HS6ST3: variants seen among roughly 807,000 people sequenced by gnomAD.
HS6ST3 encodes the protein heparan-sulfate 6-O-sulfotransferase 3.
Under a neutral mutation model 36.7 loss-of-function variants are expected in HS6ST3, and 12 were observed. The observed-to-expected ratio is 0.33, with a 90% CI of 0.21 to 0.53. The LOEUF (loss-of-function observed/expected upper bound fraction) is 0.53, where lower values mean the gene tolerates loss of function less well. Ranked by LOEUF, HS6ST3 falls within the 20% of genes least tolerant of loss-of-function variation. HS6ST3 has a pLI of 0.95. For missense variants in HS6ST3, 584 were observed against 640.9 expected (o/e 0.91, Z 0.96); for synonymous variants, 240 against 257.5 (o/e 0.93, Z 0.65).
intron 1 of HS6ST3, among the ~76,000 whole-genome samples, chr13:96,192,942 G>T (rs1453781929): frequency 1.3e-5 from 2 of 152,136 alleles, no homozygotes; most frequent in Non-Finnish European, 2.9e-5. Context: ...TCTCTGAGAA[G>T]TATTATTGCA....
chr13:96,436,988 T>C (rs1331182561), intron 1 of HS6ST3, among the ~76,000 whole-genome samples: 2 of 152,186 alleles, frequency 1.3e-5, no homozygotes, highest in African/African-American at 2.4e-5. Flanking sequence ...TATTGTTCTT[T>C]TAACCCTTCT....
intron 1 of HS6ST3, among the ~76,000 whole-genome samples, chr13:96,436,870 C>G (rs1171088190): frequency 6.6e-6 from 1 of 152,076 alleles, no homozygotes; most frequent in Non-Finnish European, 1.5e-5. Context: ...GCAGCCCTAG[C>G]AAACTAATAT....
intron 1 of HS6ST3, among the ~76,000 whole-genome samples, chr13:96,337,868 A>T (rs1820723544): frequency 6.6e-6 from 1 of 151,696 alleles, no homozygotes; most frequent in African/African-American, 2.4e-5. Context: ...TTTTTAACCC[A>T]GTTTCTAGAA....
intron 1 of HS6ST3, among the ~76,000 whole-genome samples, chr13:96,184,742 C>T (rs911007315): frequency 2.0e-5 from 3 of 152,104 alleles, no homozygotes; most frequent in African/African-American, 7.2e-5. Flanking sequence ...TCCCTGCCCC[C>T]ACCCCAGCCT....
intron 1 of HS6ST3, among the ~76,000 whole-genome samples, chr13:96,279,525 C>T (rs183635848): frequency 2.6e-5 from 4 of 152,182 alleles, no homozygotes; most frequent in African/African-American, 4.8e-5. Flanking sequence ...AATCTTGTCT[C>T]GAGAGGCTAG....
chr13:96,111,103 A>G (rs1307896548), intron 1 of HS6ST3, among the ~76,000 whole-genome samples: 1 of 152,226 alleles, frequency 6.6e-6, no homozygotes, highest in Non-Finnish European at 1.5e-5. Context: ...TTAAAATTCT[A>G]GTTGACTGTG....
intron 1 of HS6ST3, among the ~76,000 whole-genome samples, chr13:96,177,661 G>C (rs898153873): frequency 1.3e-5 from 2 of 151,924 alleles, no homozygotes; most frequent in African/African-American, 4.8e-5. Context: ...AGGAGGGAGA[G>C]GATCGGAGAA....
chr13:96,609,575 C>T lies in HS6ST3; in HGVS notation c.708-222915C>T, dbSNP rs546077579. Among the ~76,000 whole-genome samples, 20 of 152,202 alleles carry T rather than the reference C, an allele frequency of 1.3e-4. 1 individual carries two copies. Among genetic ancestry groups the T allele is most frequent in the South Asian group, 1.0e-3 (5 of 4,828 alleles). ...ATGTGTCTGATATATATCTTATTGA[C>T]GAGGTCTCTGTCAGTCAAGGCAGTG... On this transcript the variant is annotated intron_variant, in intron 1 of 1. Transcript: ENST00000376705.
chr13:96,317,031 A>G (rs1343078770), intron 1 of HS6ST3, among the ~76,000 whole-genome samples: 1 of 151,970 alleles, frequency 6.6e-6, no homozygotes, highest in South Asian at 2.1e-4. Flanking sequence ...CAGAGGGTAC[A>G]TGTGCAGGTT....
intron 1 of HS6ST3, among the ~76,000 whole-genome samples, chr13:96,748,205 G>T (rs796951339): frequency 6.6e-6 from 1 of 151,954 alleles, no homozygotes; most frequent in Non-Finnish European, 1.5e-5. Context: ...CTTTCAAAGC[G>T]CACGTACAAC....
intron 1 of HS6ST3, among the ~76,000 whole-genome samples, chr13:96,787,544 G>A (rs1219295498): frequency 6.6e-6 from 1 of 152,022 alleles, no homozygotes; most frequent in African/African-American, 2.4e-5. Context: ...GTTGAGATAT[G>A]TTATATGCTT....
intron 1 of HS6ST3, among the ~76,000 whole-genome samples, chr13:96,219,931 C>T (rs909630360): frequency 6.6e-6 from 1 of 152,184 alleles, no homozygotes; most frequent in South Asian, 2.1e-4. Flanking sequence ...ATCTGCCCAC[C>T]TCGGCCTCCC....
At chr13:96,184,745 C>T (rs1173484001) in intron 1 of HS6ST3, among the ~76,000 whole-genome samples, 1 of 152,074 alleles carries the variant, frequency 6.6e-6, no homozygotes, top group Non-Finnish European at 1.5e-5. Flanking sequence ...CTGCCCCCAC[C>T]CCAGCCTCAG....
Position 96,130,076 on chromosome 13 carries a change from T to C in HS6ST3, c.707+38507T>C, listed in dbSNP as rs148455557. Among the ~76,000 whole-genome samples the C allele has an allele frequency of 3.9e-3, 599 of 152,304 alleles. 2 individuals carry two copies. Among genetic ancestry groups the C allele is most frequent in the Middle Eastern group, 0.017 (5 of 294 alleles). On this transcript the variant is annotated intron_variant, in intron 1 of 1. Coordinates refer to ENST00000376705, the MANE Select transcript of HS6ST3 (RefSeq NM_153456.4). ...TCTGTATTTAGAGAGGGGAAGATAA[T>C]AGCAAAGAGTTTGAAAGATATTCCC...
chr13:96,689,265 A>G (rs472092), intron 1 of HS6ST3, among the ~76,000 whole-genome samples: 149,889 of 152,162 alleles, frequency 0.99, 73,862 homozygotes, highest in Middle Eastern at 1. Flanking sequence ...TAGGGTCCTG[A>G]AAGGCAGGTA....
At chr13:96,392,226 T>G (rs932817385) in intron 1 of HS6ST3, among the ~76,000 whole-genome samples, 2 of 152,218 alleles carry the variant, frequency 1.3e-5, no homozygotes, top group African/African-American at 4.8e-5. Flanking sequence ...AAATTTCCAC[T>G]GGGCTCTACT....
At chr13:96,665,148 G>GCAATAGAGA (rs1382386324) in intron 1 of HS6ST3, among the ~76,000 whole-genome samples, 14 of 152,232 alleles carry the variant, frequency 9.2e-5, no homozygotes, top group African/African-American at 3.1e-4. Context: ...TCCAGCCTGG[G>GCAATAGAGA]CAATAGAGAC....
intron 1 of HS6ST3, among the ~76,000 whole-genome samples, chr13:96,291,204 G>A (rs2054828101): frequency 1.3e-5 from 2 of 152,002 alleles, no homozygotes; most frequent in African/African-American, 4.8e-5. Context: ...CCATCTCTGT[G>A]TCATTCAATA....
intron 1 of HS6ST3, among the ~76,000 whole-genome samples, chr13:96,185,431 A>G (rs1474698318): frequency 1.3e-5 from 2 of 152,166 alleles, no homozygotes; most frequent in Non-Finnish European, 2.9e-5. Context: ...TCCAACGTCT[A>G]ATGAGTGGCA....
Sources: allele counts gnomAD v4.1 joint callset (sites outside exome capture counted in the v4.1 genomes callset), GRCh38; gene constraint gnomAD v4.1.1; transcripts MANE v1.5; gene names NCBI Gene and HGNC (gene_info 2026-07-23, HGNC 2026-07-21).